Variants in SNAPC4 observed in about 807,000 individuals in gnomAD.
SNAPC4 encodes small nuclear RNA activating complex polypeptide 4.
SNAPC4 carries 127 observed loss-of-function variants against 151.3 expected under a neutral mutation model. That is an observed-to-expected ratio of 0.84 (90% CI 0.73 to 0.97). The LOEUF (loss-of-function observed/expected upper bound fraction) is 0.97. SNAPC4 is among the 50% of genes least tolerant of loss of function. The probability of loss-of-function intolerance (pLI) is 0.00; values close to 1 mark genes in which losing one functional copy is unlikely to be tolerated. For synonymous variants in SNAPC4, 1,002 were observed against 824.4 expected (o/e 1.22, Z -3.69); for missense variants, 2,186 against 1,935.0 (o/e 1.13, Z -2.43).
rs763193425 is a variant in SNAPC4, at chr9:136,377,906, G to C, written c.3921C>G (p.Ala1307=). The change falls in exon 22 of 24, where the codon GCC becomes GCG. Residue 1307 remains alanine, a synonymous_variant. Transcript: ENST00000684778. ...CGGACAGAGCTCGCAGGCTGCACAGGGCTGGGGGCTGATAGGGCAGTCTGC... is the reference window on the plus strand; with the variant it reads ...CGGACAGAGCTCGCAGGCTGCACAGCGCTGGGGGCTGATAGGGCAGTCTGC... ...LGSRLPYQPP[A]LCSLRALSGL... is the part of the protein sequence containing the mutation. 1 of 1,610,846 alleles carries C rather than the reference G, an allele frequency of 6.2e-7. No homozygotes were observed. Among genetic ancestry groups the C allele is most frequent in the South Asian group, 1.1e-5 (1 of 91,058 alleles).
chr9:136,394,884 A>T lies in SNAPC4; in HGVS notation c.472-6T>A. On this transcript the variant is annotated splice_polypyrimidine_tract_variant and splice_region_variant and intron_variant, in intron 5 of 23. Coordinates refer to ENST00000684778, the MANE Select transcript of SNAPC4 (RefSeq NM_003086.4). ...TCCTCGTTGGCAGGTGGCCCCTGTC[A>T]GGGTGCACGGCATCACCACAAGCAC... The T allele has an allele frequency of 6.2e-7, 1 of 1,613,344 alleles. No homozygotes were observed. The highest frequency in any genetic ancestry group is 8.5e-7 in the Non-Finnish European group (1 of 1,179,654).
chr9:136,376,174 T>C (rs563892412), intron 23 of SNAPC4, among the ~76,000 whole-genome samples, 175 bp downstream of exon 23: 3 of 152,080 alleles, frequency 2.0e-5, no homozygotes, highest in African/African-American at 7.2e-5. Context: ...GCAGGAAGGA[T>C]GTGGGTTAAA....
rs562900566 is a variant in SNAPC4, at chr9:136,384,034, T to G, written c.1421-2A>C. Reference sequence around the variant, plus strand: ...CAGAAGCTATTTTTGCCCAGTGACCTGCAAAAGCCAAACCCCATGGAAATG... The same window carrying G: ...CAGAAGCTATTTTTGCCCAGTGACCGGCAAAAGCCAAACCCCATGGAAATG... On this transcript the variant is annotated splice_acceptor_variant, in intron 14 of 23. Transcript: ENST00000684778. LOFTEE classifies it high-confidence loss of function. 5.6e-6 allele frequency: 9 copies of G among 1,612,778 alleles called. No homozygotes were observed. Among genetic ancestry groups the G allele is most frequent in the Non-Finnish European group, 7.6e-6 (9 of 1,179,370 alleles).
intron 10 of SNAPC4, among the ~76,000 whole-genome samples, chr9:136,388,908 A>G (rs941538691): frequency 2.0e-5 from 3 of 152,256 alleles, no homozygotes; most frequent in Non-Finnish European, 4.4e-5. Context: ...ACTCAACAGA[A>G]ACTCCCAGCT....
At position 136,379,282 on chromosome 9, in the gene SNAPC4, C is replaced by G; in HGVS notation, c.2545G>C (p.Val849Leu). ...CTCTTTGAGGCTTCTTGAGCCGGCACGTTTGGGAAGAGGTGGCCTGTGGGG... is the reference window on the plus strand; with the variant it reads ...CTCTTTGAGGCTTCTTGAGCCGGCAGGTTTGGGAAGAGGTGGCCTGTGGGG... ...QSTPGHLFPN[V>L]PAQEASKSAS... The change falls in exon 22 of 24, where the codon GTG becomes CTG. Residue 849 changes from valine (V) to leucine (L), a missense_variant. By Grantham distance (32) the Val-to-Leu change is conservative (BLOSUM62 1). Transcript: ENST00000684778. 1 of 1,612,620 alleles carries G rather than the reference C, an allele frequency of 6.2e-7. No homozygotes were observed. Among genetic ancestry groups the G allele is most frequent in the Non-Finnish European group, 8.5e-7 (1 of 1,179,960 alleles).
chr9:136,391,283 A>G (rs865872178), intron 10 of SNAPC4, among the ~76,000 whole-genome samples: 2 of 152,234 alleles, frequency 1.3e-5, no homozygotes, highest in Non-Finnish European at 2.9e-5. Context: ...AAAGTAAAAT[A>G]TATTTGAAAA....
intron 16 of SNAPC4, 144 bp from the exon 17 acceptor site, chr9:136,382,480 T>C (rs757525685): frequency 1.5e-4 from 106 of 722,466 alleles, no homozygotes; most frequent in Non-Finnish European, 2.3e-4. Flanking sequence ...CATGGGAACG[T>C]CCACCATGGG....
intron 10 of SNAPC4, among the ~76,000 whole-genome samples, chr9:136,390,586 A>G (rs991653491): frequency 4.0e-5 from 6 of 150,850 alleles, no homozygotes; most frequent in Non-Finnish European, 7.4e-5. Context: ...AAAGGAAAGA[A>G]AAAGAGCTAA....
rs1024098554 is a variant in SNAPC4, at chr9:136,383,554, T to C, written c.1615A>G (p.Ser539Gly). The change falls in exon 16 of 24, where the codon AGC (serine) becomes GGC (glycine). Residue 539 changes from serine to glycine, a missense_variant. Transcript: ENST00000684778. The surrounding 1 kb of genome is among the most constrained non-coding windows in gnomAD (Gnocchi z 4.2). ...GSSGGSSSSSSSSSEEDEPEQ... is the reference protein window; with the variant it reads ...GSSGGSSSSSGSSSEEDEPEQ... ...GGCTCGTCCTCCTCGCTGCTGCTGC[T>C]GCTGCTGCTGCTGCTCCCTCCACTG... 6.2e-7 allele frequency: 1 copy of C among 1,604,548 alleles called. No homozygotes were observed. Among genetic ancestry groups the C allele is most frequent in the African/African-American group, 1.3e-5 (1 of 74,768 alleles).
At position 136,379,230 on chromosome 9, in the gene SNAPC4, A is replaced by T; in HGVS notation, c.2597T>A (p.Leu866Gln). 6.2e-7 allele frequency: 1 copy of T among 1,612,488 alleles called. No homozygotes were observed. The highest frequency in any genetic ancestry group is 1.7e-5 in the Admixed American group (1 of 59,982). ...KSASHKGSRRLASSRVERTLP... is the reference protein window; with the variant it reads ...KSASHKGSRRQASSRVERTLP... ...GGTGCGCTCCACCCGGCTGGACGCC[A>T]GTCTTCGGCTCCCTTTGTGGCTGGC... The change falls in exon 22 of 24, where the codon CTG becomes CAG. Residue 866 changes from leucine (L) to glutamine (Q), a missense_variant. Transcript: ENST00000684778.
At chr9:136,379,345 C>G (rs368794117) in intron 21 of SNAPC4, 46 bp from the exon 22 acceptor site, 1 of 1,607,426 alleles carries the variant, frequency 6.2e-7, no homozygotes, top group African/African-American at 1.3e-5. Flanking sequence ...AGGCATCTGG[C>G]CCAGGGACAG....
In SNAPC4 at chr9:136,394,222, G is replaced by A. The variant is rs764004782; in HGVS notation, c.632+27C>T. On this transcript the variant is annotated intron_variant, in intron 7 of 23. Coordinates refer to ENST00000684778, the MANE Select transcript of SNAPC4 (RefSeq NM_003086.4). ...GAGCCCTATGCCCAGCCTGAAGACCGTTTTTGACTTATGGTTTTAGACTTA... is the reference window on the plus strand; with the variant it reads ...GAGCCCTATGCCCAGCCTGAAGACCATTTTTGACTTATGGTTTTAGACTTA... 54 of 1,584,362 alleles carry A rather than the reference G, an allele frequency of 3.4e-5. 1 individual carries two copies. In the East Asian group the frequency reaches 5.4e-4, roughly 16 times the overall value.
At chr9:136,391,870 C>T (rs1219202946) in intron 10 of SNAPC4, 72 bp downstream of exon 10, 3 of 1,511,358 alleles carry the variant, frequency 2.0e-6, no homozygotes, top group Non-Finnish European at 2.7e-6. Flanking sequence ...CGCACCCGTC[C>T]AGCAGCCTCC....
At chr9:136,398,483 C>G in intron 1 of SNAPC4, 46 bp from the exon 2 acceptor site, 1 of 1,592,100 alleles carries the variant, frequency 6.3e-7, no homozygotes, top group Admixed American at 1.7e-5. Flanking sequence ...AAGACCGTGC[C>G]GGGATCCCAT....
intron 22 of SNAPC4, 130 bp from the exon 23 acceptor site, chr9:136,376,611 C>G (rs981673947): frequency 1.6e-5 from 18 of 1,092,416 alleles, no homozygotes; most frequent in Non-Finnish European, 2.4e-5. Flanking sequence ...TCAGCTCAGG[C>G]GGGAGCTGCT....
intron 13 of SNAPC4, among the ~76,000 whole-genome samples, 196 bp from the exon 14 acceptor site, chr9:136,385,010 A>G (rs1833844218): frequency 6.6e-6 from 1 of 152,220 alleles, no homozygotes; most frequent in Non-Finnish European, 1.5e-5. Context: ...TAGAAAGTGT[A>G]CAGGCTGGGA....
At position 136,382,320 on chromosome 9, in the gene SNAPC4, AGCAGAC is replaced by A; in HGVS notation, c.1994_1999del (p.Arg665_Leu666del). ...CAGCACGGTCTCCACAGGCACTGTC[AGCAGAC>A]GCCTCCCACCCTGATGAGAAAGCTG... On this transcript the variant is annotated inframe_deletion, in exon 17 of 24. Coordinates refer to ENST00000684778, the MANE Select transcript of SNAPC4 (RefSeq NM_003086.4). 1 of 1,613,120 alleles carries A rather than the reference AGCAGAC, an allele frequency of 6.2e-7. No homozygotes were observed. The highest frequency in any genetic ancestry group is 2.2e-5 in the East Asian group (1 of 44,886).
chr9:136,376,614 G>T, intron 22 of SNAPC4, 133 bp from the exon 23 acceptor site: 1 of 1,078,188 alleles, frequency 9.3e-7, no homozygotes, highest in Non-Finnish European at 1.4e-6. Context: ...GCTCAGGCGG[G>T]AGCTGCTCCA....
chr9:136,383,067 G>A lies in SNAPC4; in HGVS notation c.1983+119C>T. On this transcript the variant is annotated intron_variant, in intron 16 of 23. Transcript: ENST00000684778. This position sits in a 1 kb window ranked among gnomAD's most constrained non-coding sequence, Gnocchi z 4.2. ...GCTGTCCAGAGCTCAGCCAGAAGTA[G>A]CACGTTCTGATGCACACGAACCCTG... 1.4e-6 allele frequency: 2 copies of A among 1,411,750 alleles called. No individual in the cohort carries two copies. The highest frequency in any genetic ancestry group is 1.9e-6 in the Non-Finnish European group (2 of 1,078,248). The allele number at this position is 1,411,750 out of a possible 1,614,324, so 87.5% of individuals were successfully genotyped here. A position where few individuals can be genotyped will look rare whatever the true frequency, so the allele number is the denominator to read the frequency against.
Sources: allele counts gnomAD v4.1 joint callset (sites outside exome capture counted in the v4.1 genomes callset), GRCh38; gene constraint gnomAD v4.1.1; non-coding constraint Gnocchi (gnomAD v3.1); transcripts MANE v1.5; gene names NCBI Gene and HGNC (gene_info 2026-07-23, HGNC 2026-07-21).